The following SLC39A12 variants were observed in gnomAD, a reference collection of about 807,000 sequenced individuals.
SLC39A12 encodes solute carrier family 39 member 12.
In SLC39A12, 63 loss-of-function variants were observed where a neutral mutation model predicts 71.1. That is an observed-to-expected ratio of 0.89 (90% CI 0.72 to 1.09). SLC39A12 has a LOEUF of 1.09. Ranked by LOEUF, SLC39A12 falls within the 50% of genes least tolerant of loss-of-function variation. The pLI is 0.00. For synonymous variants in SLC39A12, 351 were observed against 301.3 expected, an observed-to-expected ratio of 1.16 and a Z score of -1.71; for missense variants, 892 against 812.6, an observed-to-expected ratio of 1.10 and a Z score of -1.19.
intron 2 of SLC39A12, 78 bp downstream of exon 2, chr10:17,953,615 TA>T: frequency 2.7e-6 from 4 of 1,483,376 alleles, no homozygotes; most frequent in Non-Finnish European, 3.6e-6. Flanking sequence ...TTTATTTCAG[TA>T]AAGCAAAATC....
At position 17,970,930 on chromosome 10, in the gene SLC39A12, C is replaced by T. The variant is rs140074205; in HGVS notation, c.751+5240C>T. On this transcript the variant is annotated intron_variant, in intron 4 of 12. Coordinates refer to ENST00000377369, the MANE Select transcript of SLC39A12 (RefSeq NM_001145195.2). ...TTGTTCTCATTCATTATGATACTAGCTCTGAGTCTAATATATATAGCTTTT... is the reference window on the plus strand; with the variant it reads ...TTGTTCTCATTCATTATGATACTAGTTCTGAGTCTAATATATATAGCTTTT... Among the ~76,000 whole-genome samples, 496 of 152,120 alleles carry T rather than the reference C, an allele frequency of 3.3e-3. 3 individuals are homozygous for T. The highest frequency in any genetic ancestry group is 0.012 in the African/African-American group (481 of 41,496).
chr10:17,994,344 A>G (rs1224507523), intron 9 of SLC39A12, among the ~76,000 whole-genome samples: 3 of 152,200 alleles, frequency 2.0e-5, no homozygotes, highest in Non-Finnish European at 4.4e-5. Context: ...GACCTAAAGC[A>G]TAATAGAAAT....
Position 17,995,678 on chromosome 10 carries a change from C to T in SLC39A12, c.1556C>T (p.Ala519Val), listed in dbSNP as rs770994938. The T allele has an allele frequency of 8.1e-6, 13 of 1,613,386 alleles. No individual in the cohort carries two copies. In the East Asian group the frequency reaches 2.9e-4, roughly 36 times the overall value. The change falls in exon 10 of 13, where the codon GCA becomes GTA. Residue 519 changes from alanine to valine, a missense_variant. Coordinates refer to ENST00000377369, the MANE Select transcript of SLC39A12 (RefSeq NM_001145195.2). Reference protein sequence around the residue: ...IQLKSPEDSQAAEMPIGSMTA... With the variant: ...IQLKSPEDSQVAEMPIGSMTA... ...TAGAAAAGCCCAGAAGATTCACAGGCAGCTGAAATGCCTATAGGCAGTATG... is the reference window on the plus strand; with the variant it reads ...TAGAAAAGCCCAGAAGATTCACAGGTAGCTGAAATGCCTATAGGCAGTATG...
intron 12 of SLC39A12, among the ~76,000 whole-genome samples, chr10:18,042,030 A>G (rs1211394937): frequency 1.3e-5 from 2 of 151,870 alleles, no homozygotes; most frequent in Non-Finnish European, 2.9e-5. Flanking sequence ...ATATGTATAT[A>G]TGCCTTACAT....
chr10:17,999,232 T>C (rs1589239332), intron 10 of SLC39A12, among the ~76,000 whole-genome samples: 1 of 140,398 alleles, frequency 7.1e-6, no homozygotes, highest in South Asian at 2.2e-4. Context: ...GAGGCGGAGG[T>C]TGTAGTGAGC....
At position 17,983,130 on chromosome 10, in the gene SLC39A12, C is replaced by T. The variant is rs189106067; in HGVS notation, c.1096+1647C>T. On this transcript the variant is annotated intron_variant, in intron 6 of 12. Transcript: ENST00000377369. ...TTGCAGTGAGCCGAGGTCAGCACCA[C>T]TGCACTCCAGCCTGGGCGACAAAGC... Among the ~76,000 whole-genome samples the T allele has an allele frequency of 5.6e-4, 77 of 137,174 alleles. 1 individual carries two copies. The East Asian group carries it at 0.016, about 29-fold the overall frequency. 90.0% of individuals were successfully genotyped at this position (137,174 alleles called of 152,430 possible). A position where few individuals can be genotyped will look rare whatever the true frequency, so the allele number is the denominator to read the frequency against.
At chr10:17,970,882 A>G (rs1321543740) in intron 4 of SLC39A12, among the ~76,000 whole-genome samples, 1 of 152,090 alleles carries the variant, frequency 6.6e-6, no homozygotes, top group Non-Finnish European at 1.5e-5. Flanking sequence ...CATGTTCCAG[A>G]TCTGAGAGAA....
At chr10:17,974,532 AG>A in intron 4 of SLC39A12, among the ~76,000 whole-genome samples, 1 of 152,336 alleles carries the variant, frequency 6.6e-6, no homozygotes. Context: ...AGACTTATAC[AG>A]ATATCTGGTC....
intron 4 of SLC39A12, among the ~76,000 whole-genome samples, chr10:17,966,357 C>A (rs1158338962): frequency 2.0e-5 from 3 of 152,132 alleles, no homozygotes; most frequent in African/African-American, 4.8e-5. Flanking sequence ...GTTGCCCAGA[C>A]TCAAGTGCAG....
chr10:18,010,971 C>T (rs1564656344), intron 12 of SLC39A12, among the ~76,000 whole-genome samples: 1 of 152,144 alleles, frequency 6.6e-6, no homozygotes, highest in Admixed American at 6.5e-5. Flanking sequence ...ATGTATTTCT[C>T]CTCTTTATGA....
chr10:18,002,931 G>C (rs924330385), intron 11 of SLC39A12: 3 of 421,762 alleles, frequency 7.1e-6, no homozygotes, highest in Non-Finnish European at 1.3e-5. Flanking sequence ...CCTCTCTGTA[G>C]ATACAATCTT....
At chr10:17,989,561 A>G (rs938802423) in intron 7 of SLC39A12, among the ~76,000 whole-genome samples, 3 of 152,020 alleles carry the variant, frequency 2.0e-5, no homozygotes, top group Non-Finnish European at 4.4e-5. Flanking sequence ...CATGTTACAG[A>G]GGAGAACTTC....
At position 17,981,366 on chromosome 10, in the gene SLC39A12, C is replaced by T. The variant is rs1417133840; in HGVS notation, c.979C>T (p.Leu327Phe). Reference sequence around the variant, plus strand: ...GATATTTCTACAGAAGGGCCTCTCACTCATTTCTAAGGAGGACTTTAAGCA... The same window carrying T: ...GATATTTCTACAGAAGGGCCTCTCATTCATTTCTAAGGAGGACTTTAAGCA... ...VEIFLQKGLSLISKEDFKQMS... is the reference protein window; with the variant it reads ...VEIFLQKGLSFISKEDFKQMS... Residue 327 changes from leucine to phenylalanine, a missense_variant, in exon 6 of 13, where the codon CTC becomes TTC. Coordinates refer to ENST00000377369, the MANE Select transcript of SLC39A12 (RefSeq NM_001145195.2). 1.9e-6 allele frequency: 3 copies of T among 1,613,484 alleles called. No individual in the cohort carries two copies. The African/African-American group carries it at 4.0e-5, about 22-fold the overall frequency.
At chr10:18,011,165 C>T (rs905229476) in intron 12 of SLC39A12, among the ~76,000 whole-genome samples, 1 of 152,096 alleles carries the variant, frequency 6.6e-6, no homozygotes, top group Non-Finnish European at 1.5e-5. Context: ...TCTCAACTTA[C>T]TGCAGCCTCT....
intron 2 of SLC39A12, among the ~76,000 whole-genome samples, chr10:17,957,585 G>A (rs1373659651): frequency 1.3e-5 from 2 of 151,968 alleles, no homozygotes; most frequent in East Asian, 3.9e-4. Context: ...ATGCCTGTGG[G>A]GTGGCAGTAT....
intron 5 of SLC39A12, among the ~76,000 whole-genome samples, chr10:17,980,287 C>G (rs1291945598): frequency 2.0e-5 from 3 of 152,062 alleles, no homozygotes; most frequent in African/African-American, 7.2e-5. Flanking sequence ...GGGAAAAAGA[C>G]AAACAGCAAC....
At chr10:17,967,901 ATAT>A (rs1564640969) in intron 4 of SLC39A12, among the ~76,000 whole-genome samples, 19 of 56,048 alleles carry the variant, frequency 3.4e-4, no homozygotes, top group African/African-American at 1.3e-3. Context: ...AAAAAAAAAT[ATAT>A]ATATATATAT....
intron 12 of SLC39A12, among the ~76,000 whole-genome samples, chr10:18,029,872 T>C (rs1398367866): frequency 1.3e-5 from 2 of 150,700 alleles, no homozygotes; most frequent in Non-Finnish European, 3.0e-5. Context: ...TCCTTCAAAA[T>C]TGACTGGCTA....
At chr10:18,009,067 T>TA (rs935213579) in intron 12 of SLC39A12, among the ~76,000 whole-genome samples, 1 of 152,138 alleles carries the variant, frequency 6.6e-6, no homozygotes, top group Non-Finnish European at 1.5e-5. Flanking sequence ...ATTAATTAAT[T>TA]AAAAAAATGT....
Sources: allele counts gnomAD v4.1 joint callset (sites outside exome capture counted in the v4.1 genomes callset), GRCh38; gene constraint gnomAD v4.1.1; transcripts MANE v1.5; gene names NCBI Gene and HGNC (gene_info 2026-07-23, HGNC 2026-07-21).